Variants in CACNA1C observed in about 807,000 individuals in gnomAD.
The protein encoded by CACNA1C is calcium voltage-gated channel subunit alpha1 C.
A neutral mutation model predicts 229.0 loss-of-function variants in CACNA1C; 30 were observed. The ratio of observed to expected loss-of-function variants is 0.13; its 90% CI spans 0.10 to 0.18. The LOEUF (loss-of-function observed/expected upper bound fraction) is 0.18, where lower values mean the gene tolerates loss of function less well. CACNA1C is among the 10% of genes least tolerant of loss of function. The probability of loss-of-function intolerance (pLI) is 1.00; values close to 1 mark genes in which losing one functional copy is unlikely to be tolerated. For missense variants in CACNA1C, 1,658 were observed against 2,845.0 expected, an observed-to-expected ratio of 0.58 and a Z score of 9.49; for synonymous variants, 1,114 against 1,132.5, an observed-to-expected ratio of 0.98 and a Z score of 0.33.
Position 2,371,038 on chromosome 12 carries a change from A to G in CACNA1C, c.478-77938A>G, listed in dbSNP as rs1460360063. Among the ~76,000 whole-genome samples the G allele has an allele frequency of 4.6e-5, 7 of 152,248 alleles. No individual in the cohort carries two copies. In the East Asian group the frequency reaches 1.3e-3, roughly 29 times the overall value. On this transcript the variant is annotated intron_variant, in intron 3 of 46. Coordinates refer to ENST00000399655, the MANE Select transcript of CACNA1C (RefSeq NM_000719.7). ...TACATAAGGAACTGCAGAAGGATCT[A>G]GGGATGTTTTACCTGGAAACAAGGA...
At chr12:2,270,161 T>C (rs1016221763) in intron 3 of CACNA1C, among the ~76,000 whole-genome samples, 1 of 152,186 alleles carries the variant, frequency 6.6e-6, no homozygotes, top group African/African-American at 2.4e-5. Flanking sequence ...TCATTTGTAA[T>C]ATTTGTCTTG....
intron 1 of CACNA1C, among the ~76,000 whole-genome samples, chr12:2,001,242 A>AG (rs2042141106): frequency 6.6e-6 from 1 of 152,190 alleles, no homozygotes; most frequent in South Asian, 2.1e-4. Flanking sequence ...TTCTGAGCAA[A>AG]GTCCAGGGTT....
intron 4 of CACNA1C, 80 bp downstream of exon 4, chr12:2,449,195 C>T: frequency 5.7e-6 from 6 of 1,057,136 alleles, no homozygotes; most frequent in East Asian, 2.8e-5. Context: ...AAGACAGGGT[C>T]GTTGTCAGAC....
chr12:2,387,428 T>C (rs1266897105), intron 3 of CACNA1C, among the ~76,000 whole-genome samples: 1 of 151,998 alleles, frequency 6.6e-6, no homozygotes, highest in Non-Finnish European at 1.5e-5. Flanking sequence ...GGGGTTGCAG[T>C]GAGCCGAGAT....
At chr12:2,177,323 A>G (rs549875596) in intron 3 of CACNA1C, among the ~76,000 whole-genome samples, 1 of 152,310 alleles carries the variant, frequency 6.6e-6, no homozygotes, top group African/African-American at 2.4e-5. Context: ...GTAGCCAGAG[A>G]GACACTCCAC....
chr12:2,300,073 G>A (rs1171195088), intron 3 of CACNA1C, among the ~76,000 whole-genome samples: 2 of 152,240 alleles, frequency 1.3e-5, no homozygotes, highest in Non-Finnish European at 2.9e-5. Flanking sequence ...AATTCTGGCT[G>A]TGAAGTCTGA....
At position 2,597,268 on chromosome 12, in the gene CACNA1C, C is replaced by T; in HGVS notation, c.2832C>T (p.Phe944=). 6.2e-7 allele frequency: 1 copy of T among 1,611,016 alleles called. No homozygotes were observed. The highest frequency in any genetic ancestry group is 1.3e-5 in the African/African-American group (1 of 74,912). The part of the protein sequence containing the change: ...FYFDIVFTTI[F]TIEIALKMTA... ...TTGATATTGTTTTTACCACCATTTT[C>T]ACCATTGAAATTGCTCTGAAGGTAA... Residue 944 remains phenylalanine, a synonymous_variant, in exon 21 of 47, where the codon TTC becomes TTT. Coordinates refer to ENST00000399655, the MANE Select transcript of CACNA1C (RefSeq NM_000719.7). This position sits in a 1 kb window ranked among gnomAD's most constrained non-coding sequence, Gnocchi z 4.3.
intron 3 of CACNA1C, among the ~76,000 whole-genome samples, chr12:2,239,038 AT>A (rs1158848352): frequency 6.6e-6 from 1 of 152,212 alleles, no homozygotes; most frequent in African/African-American, 2.4e-5. Context: ...CATATGAACC[AT>A]TTAGCTAGCG....
intron 3 of CACNA1C, among the ~76,000 whole-genome samples, chr12:2,209,906 G>A (rs1162042782): frequency 6.6e-6 from 1 of 152,184 alleles, no homozygotes; most frequent in African/African-American, 2.4e-5. Context: ...AAAAATGTGT[G>A]TCTGGTTATG....
chr12:2,681,358 C>T (rs1399499837), intron 42 of CACNA1C, among the ~76,000 whole-genome samples: 2 of 152,224 alleles, frequency 1.3e-5, no homozygotes, highest in African/African-American at 2.4e-5. Context: ...TGTCGGTTCC[C>T]TCTGCCCACT....
chr12:2,055,761 G>A (rs1251768232), intron 1 of CACNA1C, among the ~76,000 whole-genome samples: 1 of 152,176 alleles, frequency 6.6e-6, no homozygotes, highest in Non-Finnish European at 1.5e-5. Context: ...GAGCAGTTTT[G>A]CCTCCATTTC....
chr12:2,642,543 C>A (rs568605157), intron 30 of CACNA1C, among the ~76,000 whole-genome samples: 6 of 152,278 alleles, frequency 3.9e-5, no homozygotes, highest in African/African-American at 1.4e-4. Context: ...CGTAGGGTGC[C>A]TCGAGAAGCA....
intron 1 of CACNA1C, among the ~76,000 whole-genome samples, chr12:2,055,653 C>A (rs1319391772): frequency 6.6e-6 from 1 of 152,208 alleles, no homozygotes; most frequent in Non-Finnish European, 1.5e-5. Flanking sequence ...GAGCCAGCGG[C>A]TGAGAGCTCT....
chr12:2,233,554 T>C (rs2066150056), intron 3 of CACNA1C, among the ~76,000 whole-genome samples: 2 of 152,238 alleles, frequency 1.3e-5, no homozygotes, highest in South Asian at 2.1e-4. Context: ...TAGGGAATTT[T>C]AAATTTTGAT....
intron 3 of CACNA1C, among the ~76,000 whole-genome samples, chr12:2,334,529 G>A (rs1474332131): frequency 3.3e-5 from 5 of 152,186 alleles, no homozygotes; most frequent in Non-Finnish European, 7.3e-5. Flanking sequence ...CTCCAGCCAG[G>A]CACGGTGGTT....
At chr12:2,159,945 C>G (rs1052995397) in intron 3 of CACNA1C, among the ~76,000 whole-genome samples, 1 of 152,214 alleles carries the variant, frequency 6.6e-6, no homozygotes, top group African/African-American at 2.4e-5. Context: ...CCTGTGTTGT[C>G]CATTCATTTA....
intron 3 of CACNA1C, among the ~76,000 whole-genome samples, chr12:2,343,677 C>A (rs971019706): frequency 2.0e-5 from 3 of 151,986 alleles, no homozygotes; most frequent in Admixed American, 2.0e-4. Context: ...AGAGTGGGGG[C>A]TGGGAAAATA....
chr12:2,523,184 A>AT (rs3216320), intron 9 of CACNA1C, among the ~76,000 whole-genome samples: 23,211 of 149,512 alleles, frequency 0.16, 2,182 homozygotes, highest in East Asian at 0.23. Flanking sequence ...CATGGGTTTG[A>AT]TTTTTTTTTA....
chr12:2,584,325 G>T (rs1568579255), intron 15 of CACNA1C, among the ~76,000 whole-genome samples, 178 bp from the exon 16 acceptor site: 1 of 152,148 alleles, frequency 6.6e-6, no homozygotes, highest in African/African-American at 2.4e-5. Flanking sequence ...AGCTAGGAGG[G>T]TGATGGGGAG....
Sources: allele counts gnomAD v4.1 joint callset (sites outside exome capture counted in the v4.1 genomes callset), GRCh38; gene constraint gnomAD v4.1.1; non-coding constraint Gnocchi (gnomAD v3.1); transcripts MANE v1.5; gene names NCBI Gene and HGNC (gene_info 2026-07-23, HGNC 2026-07-21).